The following PLAGL1 variants were observed in gnomAD, a reference collection of about 807,000 sequenced individuals.
PLAGL1 encodes zinc finger protein PLAGL1.
PLAGL1 carries 1 observed loss-of-function variant against 4.6 expected under a neutral mutation model. The ratio of observed to expected loss-of-function variants is 0.22; its 90% CI spans 0.08 to 1.03. The LOEUF (loss-of-function observed/expected upper bound fraction) is 1.03, where lower values mean the gene tolerates loss of function less well. PLAGL1 is among the 50% of genes least tolerant of loss of function. The probability of loss-of-function intolerance (pLI) is 0.58; values close to 1 mark genes in which losing one functional copy is unlikely to be tolerated. For synonymous variants in PLAGL1, 240 were observed against 237.8 expected (o/e 1.01, Z -0.08); for missense variants, 464 against 570.4 (o/e 0.81, Z 1.90).
Position 144,059,006 on chromosome 6 carries a change from G to T in PLAGL1, c.-151+5462C>A, listed in dbSNP as rs538280875. On this transcript the variant is annotated intron_variant, in intron 1 of 3. Coordinates refer to the PLAGL1 transcript ENST00000437412. This position sits in a 1 kb window ranked among gnomAD's most constrained non-coding sequence, Gnocchi z 4.9. ...GTAGTGCCCTGGGGGTACTCTGTGT[G>T]GTGGCTCCAGCCCCACATTTTCCCT... Among the ~76,000 whole-genome samples the T allele has an allele frequency of 1.4e-4, 22 of 152,218 alleles. No individual in the cohort carries two copies. The highest frequency in any genetic ancestry group is 2.5e-4 in the Non-Finnish European group (17 of 68,040).
At chr6:144,024,149 A>G (rs1796170704) in intron 1 of PLAGL1, among the ~76,000 whole-genome samples, 2 of 152,166 alleles carry the variant, frequency 1.3e-5, no homozygotes, top group South Asian at 2.1e-4. Context: ...GCATCCACCT[A>G]TATATTTCCT....
At chr6:144,009,925 C>T (rs1329264278), upstream of PLAGL1, among the ~76,000 whole-genome samples, 1 of 152,094 alleles carries the variant, frequency 6.6e-6, no homozygotes, top group East Asian at 1.9e-4. Flanking sequence ...TCACCAATGG[C>T]CATTTGGGTT....
intron 1 of PLAGL1, among the ~76,000 whole-genome samples, chr6:144,033,570 T>C (rs1192124375): frequency 6.6e-6 from 1 of 152,184 alleles, no homozygotes; most frequent in East Asian, 1.9e-4. Context: ...TACTAGAAAC[T>C]GCAGTAAGGA....
In PLAGL1 at chr6:144,061,141, A is replaced by G. The variant is rs892359448; in HGVS notation, c.-151+3327T>C. 6.6e-6 allele frequency among the ~76,000 whole-genome samples: 1 copy of G among 152,268 alleles called. No individual in the cohort carries two copies. Among genetic ancestry groups the G allele is most frequent in the African/African-American group, 2.4e-5 (1 of 41,474 alleles). On this transcript the variant is annotated intron_variant, in intron 1 of 3. Transcript: ENST00000437412. This position sits in a 1 kb window ranked among gnomAD's most constrained non-coding sequence, Gnocchi z 4.4. ...AGTAGAAGAGTTGTAACAGACATGC[A>G]TGATTACAGCCTTTGTTCCTTTTCA...
intron 6 of PLAGL1, among the ~76,000 whole-genome samples, chr6:143,951,961 G>A (rs539316245): frequency 3.3e-5 from 5 of 151,992 alleles, no homozygotes; most frequent in East Asian, 1.9e-4. Context: ...TTTAATCACC[G>A]TAACTATGTA....
chr6:143,987,445 T>TTTTC, intron 1 of PLAGL1, among the ~76,000 whole-genome samples: 1 of 144,724 alleles, frequency 6.9e-6, no homozygotes, highest in African/African-American at 2.5e-5. Flanking sequence ...GGCTTTTTTT[T>TTTTC]TTTTTTTTTT....
intron 1 of PLAGL1, among the ~76,000 whole-genome samples, chr6:144,001,554 A>G (rs1792887781): frequency 6.6e-6 from 1 of 152,204 alleles, no homozygotes; most frequent in African/African-American, 2.4e-5. Context: ...AAAAATATTT[A>G]TTAATCACTG....
At position 143,994,765 on chromosome 6, in the gene PLAGL1, T is replaced by C. The variant is rs1288581370; in HGVS notation, c.-583-9591A>G. Reference sequence around the variant, plus strand: ...ACCCTAATGTGACTGTATTTGGAGATAGGGCCATCAGGGAGGTAATTAAGG... The same window carrying C: ...ACCCTAATGTGACTGTATTTGGAGACAGGGCCATCAGGGAGGTAATTAAGG... On this transcript the variant is annotated intron_variant, in intron 1 of 7. Transcript: ENST00000674357. This position sits in a 1 kb window ranked among gnomAD's most constrained non-coding sequence, Gnocchi z 4.3. 6.6e-6 allele frequency among the ~76,000 whole-genome samples: 1 copy of C among 152,200 alleles called. No individual in the cohort carries two copies. The highest frequency in any genetic ancestry group is 1.5e-5 in the Non-Finnish European group (1 of 68,032).
At chr6:144,037,415 CAAAAAAAAAAAAA>C (rs34570725) in intron 1 of PLAGL1, 1 of 88,118 alleles carries the variant, frequency 1.1e-5, no homozygotes, top group African/African-American at 4.4e-5. Context: ...CCATCTCTAC[CAAAAAAAAAAAAA>C]AAAAAAAAAA....
In PLAGL1 at chr6:143,990,471, T is replaced by C. The variant is rs1790238940; in HGVS notation, c.-583-5297A>G. Among the ~76,000 whole-genome samples the C allele has an allele frequency of 6.6e-6, 1 of 152,162 alleles. No individual in the cohort carries two copies. ...ACCTTCATTGACCTCCTGGTCCCAC[T>C]ATACTCCCACCCTTTCTCAGACAAA... On this transcript the variant is annotated intron_variant, in intron 1 of 7. Coordinates refer to ENST00000674357, the MANE Select transcript of PLAGL1 (RefSeq NM_001317162.2). This position sits in a 1 kb window ranked among gnomAD's most constrained non-coding sequence, Gnocchi z 5.4.
intron 1 of PLAGL1, among the ~76,000 whole-genome samples, chr6:144,040,420 T>A (rs541833063): frequency 6.6e-6 from 1 of 152,054 alleles, no homozygotes; most frequent in South Asian, 2.1e-4. Flanking sequence ...TCCCAGCTAC[T>A]CAGGAGGCTG....
rs1406651445 is a variant in PLAGL1, at chr6:143,989,003, CT to C, written c.-583-3830del. Among the ~76,000 whole-genome samples the C allele has an allele frequency of 1.3e-5, 2 of 152,180 alleles. No individual in the cohort carries two copies. The highest frequency in any genetic ancestry group is 4.8e-5 in the African/African-American group (2 of 41,450). ...GACAGGTCACGTATGTTTGAAATAA[CT>C]CATGGTCTGCAAAATCTCACACCAA... On this transcript the variant is annotated intron_variant, in intron 1 of 7. Coordinates refer to ENST00000674357, the MANE Select transcript of PLAGL1 (RefSeq NM_001317162.2). This position sits in a 1 kb window ranked among gnomAD's most constrained non-coding sequence, Gnocchi z 4.8.
chr6:143,977,555 C>A (rs1367317223), intron 2 of PLAGL1, among the ~76,000 whole-genome samples: 1 of 143,534 alleles, frequency 7.0e-6, no homozygotes, highest in Non-Finnish European at 1.5e-5. Context: ...CTCACTGTAA[C>A]CTCCACCTCC....
upstream of PLAGL1, chr6:144,008,677 A>G (rs28364590): frequency 0.26 from 39,627 of 152,284 alleles, 5,250 homozygotes; most frequent in Admixed American, 0.35. The surrounding 1 kb of genome is among the most constrained non-coding windows in gnomAD (Gnocchi z 6.9). Context: ...CCAGAGCCCA[A>G]TCACACATGA....
Position 143,985,979 on chromosome 6 carries a change from AAATTATAT to A in PLAGL1, c.-583-813_-583-806del, listed in dbSNP as rs1222149649. ...ATATATATCAAATTATATATATATA[AAATTATAT>A]ATATATATATATATATATATATATC... On this transcript the variant is annotated intron_variant, in intron 1 of 7. Coordinates refer to ENST00000674357, the MANE Select transcript of PLAGL1 (RefSeq NM_001317162.2). The surrounding 1 kb of genome is among the most constrained non-coding windows in gnomAD (Gnocchi z 4.4). 1.8e-5 allele frequency among the ~76,000 whole-genome samples: 1 copy of A among 55,306 alleles called. No homozygotes were observed. The highest frequency in any genetic ancestry group is 4.5e-5 in the African/African-American group (1 of 22,192). The allele number at this position is 55,306 out of a possible 152,430, so 36.3% of individuals were successfully genotyped here.
At chr6:144,054,143 G>C (rs1403982376) in intron 1 of PLAGL1, among the ~76,000 whole-genome samples, 1 of 143,268 alleles carries the variant, frequency 7.0e-6, no homozygotes, top group Non-Finnish European at 1.5e-5. Flanking sequence ...TAAAATATAT[G>C]CTCACTTAAC....
chr6:144,063,693 G>C lies in PLAGL1; in HGVS notation c.-151+775C>G, dbSNP rs1562626826. On this transcript the variant is annotated intron_variant, in intron 1 of 3. Coordinates refer to the PLAGL1 transcript ENST00000437412. This position sits in a 1 kb window ranked among gnomAD's most constrained non-coding sequence, Gnocchi z 5.7. ...ACAGGTCCCGCGCTCCTAGACCCATGAACACTCGGGAAGCCCCAGGGGTAT... is the reference window on the plus strand; with the variant it reads ...ACAGGTCCCGCGCTCCTAGACCCATCAACACTCGGGAAGCCCCAGGGGTAT... Among the ~76,000 whole-genome samples the C allele has an allele frequency of 6.6e-6, 1 of 152,184 alleles. No homozygotes were observed. The highest frequency in any genetic ancestry group is 1.5e-5 in the Non-Finnish European group (1 of 68,020).
rs769598465 is a variant in PLAGL1 at position 143,997,295 on chromosome 6, C to T, written c.-584+10795G>A. The stretch of plus-strand genomic sequence containing the variant: ...TTCTAGTCTCAGATTTGTTCCTTGG[C>T]AAAATACTGCAAATGTCCACCAAAA... On this transcript the variant is annotated intron_variant, in intron 1 of 7. Transcript: ENST00000674357. The surrounding 1 kb of genome is among the most constrained non-coding windows in gnomAD (Gnocchi z 4.6). Among the ~76,000 whole-genome samples the T allele has an allele frequency of 6.6e-6, 1 of 152,108 alleles. No homozygotes were observed. Among genetic ancestry groups the T allele is most frequent in the Non-Finnish European group, 1.5e-5 (1 of 68,024 alleles).
At chr6:144,019,739 G>C (rs570332013) in intron 1 of PLAGL1, among the ~76,000 whole-genome samples, 4 of 149,684 alleles carry the variant, frequency 2.7e-5, no homozygotes, top group African/African-American at 9.9e-5. Context: ...ACATTGTACT[G>C]TTCTTCCAGC....
Sources: gnomAD v4.1 joint callset for allele counts (sites outside exome capture counted in the v4.1 genomes callset) on GRCh38, gnomAD v4.1.1 for gene constraint, Gnocchi (gnomAD v3.1) non-coding constraint, MANE v1.5 for transcripts, NCBI Gene and HGNC (gene_info 2026-07-23, HGNC 2026-07-21) for gene names.